Variants in TNN observed in about 807,000 individuals in gnomAD.
TNN encodes tenascin N.
TNN carries 122 observed loss-of-function variants against 134.4 expected under a neutral mutation model. The ratio of observed to expected loss-of-function variants is 0.91; its 90% CI spans 0.78 to 1.06. TNN has a LOEUF of 1.06. Among genes scored for constraint, TNN ranks in the 50% least tolerant of loss-of-function variants. TNN has a pLI of 0.00. For synonymous variants in TNN, 710 were observed against 670.3 expected, an observed-to-expected ratio of 1.06 and a Z score of -0.91; for missense variants, 1,739 against 1,699.4, an observed-to-expected ratio of 1.02 and a Z score of -0.41.
chr1:175,121,962 T>G (rs1170735579), intron 11 of TNN, among the ~76,000 whole-genome samples: 1 of 152,180 alleles, frequency 6.6e-6, no homozygotes, highest in Admixed American at 6.5e-5. Flanking sequence ...CCAGGCACCG[T>G]GGTGGAGATG....
At chr1:175,136,254 T>A (rs1012952609) in intron 16 of TNN, among the ~76,000 whole-genome samples, 1 of 152,172 alleles carries the variant, frequency 6.6e-6, no homozygotes, top group African/African-American at 2.4e-5. Flanking sequence ...GCTGGTCCAT[T>A]ACTGGGAGGT....
chr1:175,124,435 C>T (rs973645982), intron 12 of TNN, among the ~76,000 whole-genome samples: 3 of 152,156 alleles, frequency 2.0e-5, no homozygotes, highest in Non-Finnish European at 2.9e-5. Flanking sequence ...AATCCCAGCC[C>T]TTTGGGAGGT....
chr1:175,127,208 G>A, intron 13 of TNN, 123 bp downstream of exon 13: 2 of 1,186,864 alleles, frequency 1.7e-6, no homozygotes, highest in South Asian at 1.5e-5. Context: ...TCACATTGCT[G>A]GTTGTACATC....
intron 9 of TNN, among the ~76,000 whole-genome samples, chr1:175,108,542 G>A (rs975827228): frequency 2.0e-5 from 3 of 152,254 alleles, no homozygotes; most frequent in South Asian, 2.1e-4. Context: ...GGCTGCACAG[G>A]AACCCACGGA....
chr1:175,081,440 T>C (rs773019290), intron 4 of TNN, among the ~76,000 whole-genome samples: 1 of 152,242 alleles, frequency 6.6e-6, no homozygotes, highest in Non-Finnish European at 1.5e-5. Flanking sequence ...AAAAATGCAC[T>C]GCCTCCATCC....
chr1:175,103,154 G>A (rs1674770651), intron 9 of TNN, among the ~76,000 whole-genome samples: 1 of 146,284 alleles, frequency 6.8e-6, no homozygotes, highest in African/African-American at 2.5e-5. Context: ...GGGCCCAAAG[G>A]CGAGTAACAG....
In TNN at chr1:175,118,614, A is replaced by G; in HGVS notation, c.2440A>G (p.Thr814Ala). 1.9e-6 allele frequency: 3 copies of G among 1,614,064 alleles called. No individual in the cohort carries two copies. The highest frequency in any genetic ancestry group is 2.5e-6 in the Non-Finnish European group (3 of 1,179,992). The change falls in exon 11 of 19, where the codon ACT (threonine) becomes GCT (alanine). Residue 814 changes from threonine to alanine, a missense_variant. Physicochemically the swap from Thr to Ala is moderately conservative, Grantham distance 58. Coordinates refer to ENST00000239462, the MANE Select transcript of TNN (RefSeq NM_022093.2). ...VTDWVTENTA[T>A]VSWDPVQATI... Reference sequence around the variant, plus strand: ...TGACTGGGTGACAGAGAATACAGCCACTGTCTCCTGGGACCCGGTGCAGGC... The same window carrying G: ...TGACTGGGTGACAGAGAATACAGCCGCTGTCTCCTGGGACCCGGTGCAGGC...
intron 9 of TNN, among the ~76,000 whole-genome samples, chr1:175,109,072 ATTTTTTTTT>A (rs1160268455): frequency 0.056 from 3,463 of 61,896 alleles, 180 homozygotes; most frequent in Middle Eastern, 0.2. Context: ...ATCTAACTGT[ATTTTTTTTT>A]TTTTTTTTTT....
intron 9 of TNN, among the ~76,000 whole-genome samples, chr1:175,112,784 AT>A (rs369596366): frequency 0.024 from 3,627 of 148,936 alleles, 141 homozygotes; most frequent in African/African-American, 0.084. Flanking sequence ...TGTCTGGCTA[AT>A]TTTTTTTTGT....
Position 175,135,944 on chromosome 1 carries a change from A to G in TNN, c.3427+3A>G. On this transcript the variant is annotated splice_donor_region_variant and intron_variant, in intron 16 of 18. Coordinates refer to ENST00000239462, the MANE Select transcript of TNN (RefSeq NM_022093.2). ...CCCCATGAAGGAGTTCTGGCTTGGT[A>G]TGATCTCAGAATCCAGGAGGCTGGG... The G allele has an allele frequency of 6.2e-7, 1 of 1,605,000 alleles. No homozygotes were observed. The highest frequency in any genetic ancestry group is 8.5e-7 in the Non-Finnish European group (1 of 1,172,280).
intron 15 of TNN, among the ~76,000 whole-genome samples, chr1:175,129,308 G>A (rs1290113894): frequency 1.3e-5 from 2 of 152,092 alleles, no homozygotes; most frequent in Non-Finnish European, 2.9e-5. Flanking sequence ...CTGTCAATCT[G>A]TTCCCTTAAC....
At chr1:175,139,689 CAT>C (rs1675901153) in intron 17 of TNN, among the ~76,000 whole-genome samples, 1 of 152,146 alleles carries the variant, frequency 6.6e-6, no homozygotes, top group Non-Finnish European at 1.5e-5. Context: ...AAACCAGTAA[CAT>C]AATTATTTAT....
At chr1:175,118,459 C>A in intron 10 of TNN, 102 bp from the exon 11 acceptor site, 1 of 1,409,404 alleles carries the variant, frequency 7.1e-7, no homozygotes, top group Admixed American at 2.1e-5. Context: ...AGGCGGAAAC[C>A]CCACACAACA....
intron 2 of TNN, among the ~76,000 whole-genome samples, chr1:175,078,741 T>C (rs980836717): frequency 6.6e-6 from 1 of 152,214 alleles, no homozygotes; most frequent in Non-Finnish European, 1.5e-5. Flanking sequence ...TGCCTCTTGC[T>C]GTGTAGGGTC....
At chr1:175,085,337 G>A in intron 5 of TNN, 68 bp from the exon 6 acceptor site, 1 of 960,076 alleles carries the variant, frequency 1.0e-6, no homozygotes, top group Non-Finnish European at 1.7e-6. Context: ...AAATCCCAGG[G>A]AGGAGTAGTG....
chr1:175,081,829 A>G (rs1167292663), intron 4 of TNN, among the ~76,000 whole-genome samples: 3 of 152,194 alleles, frequency 2.0e-5, no homozygotes, highest in Non-Finnish European at 4.4e-5. Context: ...GGAAGGTGTA[A>G]GGAAGCAGGG....
chr1:175,126,116 T>TG, intron 12 of TNN, among the ~76,000 whole-genome samples: 1 of 149,952 alleles, frequency 6.7e-6, no homozygotes, highest in Non-Finnish European at 1.5e-5. Context: ...TTTTTTTTTT[T>TG]TTTAAGACAG....
rs543315029 is a variant in TNN, at chr1:175,122,032, C to T, written c.2651-1368C>T. 6.6e-5 allele frequency among the ~76,000 whole-genome samples: 10 copies of T among 152,200 alleles called. No homozygotes were observed. In the East Asian group the frequency reaches 1.9e-3, roughly 29 times the overall value. ...TAGATATTGTGGAGCGATTAGCATC[C>T]AGTTGGTATTTAAAGCCATGGGCAT... On this transcript the variant is annotated intron_variant, in intron 11 of 18. Transcript: ENST00000239462.
At chr1:175,122,459 TAACAAAGGAC>T (rs1425021871) in intron 11 of TNN, among the ~76,000 whole-genome samples, 77 of 25,898 alleles carry the variant, frequency 3.0e-3, no homozygotes, top group African/African-American at 0.01. Context: ...TGAAGGTTGC[TAACAAAGGAC>T]TGAAGAAGAG....
Sources: gnomAD v4.1 joint callset for allele counts (sites outside exome capture counted in the v4.1 genomes callset) on GRCh38, gnomAD v4.1.1 for gene constraint, MANE v1.5 for transcripts, NCBI Gene and HGNC (gene_info 2026-07-23, HGNC 2026-07-21) for gene names.